KIAA0319L: variants seen among roughly 807,000 people sequenced by gnomAD.
KIAA0319L encodes dyslexia-associated protein KIAA0319-like protein.
A neutral mutation model predicts 120.1 loss-of-function variants in KIAA0319L; 55 were observed. The ratio of observed to expected loss-of-function variants is 0.46; its 90% confidence interval spans 0.37 to 0.57. The LOEUF (loss-of-function observed/expected upper bound fraction) is 0.57, where lower values mean the gene tolerates loss of function less well. Among genes scored for constraint, KIAA0319L ranks in the 20% least tolerant of loss-of-function variants. The pLI is 0.00. For synonymous variants in KIAA0319L, 398 were observed against 471.9 expected, an observed-to-expected ratio of 0.84 and a Z score of 2.03; for missense variants, 1,049 against 1,255.3, an observed-to-expected ratio of 0.84 and a Z score of 2.48.
intron 12 of KIAA0319L, among the ~76,000 whole-genome samples, chr1:35,452,683 G>C (rs1642149828): frequency 6.6e-6 from 1 of 152,130 alleles, no homozygotes; most frequent in Non-Finnish European, 1.5e-5. Flanking sequence ...AAAACACCCT[G>C]GGCTGGGTAA....
intron 2 of KIAA0319L, among the ~76,000 whole-genome samples, chr1:35,530,132 T>C (rs567261007): frequency 1.3e-5 from 2 of 152,114 alleles, no homozygotes; most frequent in African/African-American, 4.8e-5. Context: ...GCCTCACAGG[T>C]TCAAGCAATC....
At chr1:35,551,531 G>GTGGT (rs1244535032) in intron 2 of KIAA0319L, among the ~76,000 whole-genome samples, 5 of 151,954 alleles carry the variant, frequency 3.3e-5, no homozygotes, top group Non-Finnish European at 5.9e-5. Context: ...GTTGGTCAGG[G>GTGGT]TGGTCTTGAA....
In KIAA0319L at chr1:35,434,864, G is replaced by A; in HGVS notation, c.*30C>T. On this transcript the variant is annotated 3_prime_UTR_variant, in exon 21 of 21. Transcript: ENST00000325722. ...GGAGGACTGGCCGGGCAGTGTGCTG[G>A]GCCCTGCCCTGAGGAGACAGACCAG... is the stretch of plus-strand genomic sequence containing the variant. 3 of 1,591,710 alleles carry A rather than the reference G, an allele frequency of 1.9e-6. No individual in the cohort carries two copies. The highest frequency in any genetic ancestry group is 2.6e-6 in the Non-Finnish European group (3 of 1,165,328).
intron 3 of KIAA0319L, among the ~76,000 whole-genome samples, chr1:35,505,886 G>T (rs534839955): frequency 1.3e-5 from 2 of 152,274 alleles, no homozygotes; most frequent in South Asian, 4.1e-4. Flanking sequence ...CAGAGCGCTT[G>T]GCATGTCATA....
chr1:35,440,423 C>A (rs1641118043), intron 20 of KIAA0319L: 1 of 153,018 alleles, frequency 6.5e-6, no homozygotes, highest in Admixed American at 6.5e-5. Flanking sequence ...ACCAATGATA[C>A]CTGTCCCATG....
intron 2 of KIAA0319L, among the ~76,000 whole-genome samples, chr1:35,520,338 T>G (rs937199088): frequency 1.3e-5 from 2 of 152,014 alleles, no homozygotes; most frequent in Non-Finnish European, 1.5e-5. Flanking sequence ...GACCTCATGA[T>G]CCACCCACCT....
intron 14 of KIAA0319L, 22 bp downstream of exon 14, chr1:35,450,336 C>T: frequency 6.2e-7 from 1 of 1,608,214 alleles, no homozygotes; most frequent in Non-Finnish European, 8.5e-7. Context: ...CTGTGTAGCT[C>T]TCCAGCTCCT....
intron 2 of KIAA0319L, among the ~76,000 whole-genome samples, chr1:35,550,011 C>T (rs115222552): frequency 0.023 from 3,475 of 152,278 alleles, 124 homozygotes; most frequent in African/African-American, 0.078. Flanking sequence ...AGATGAGAAT[C>T]CCCAGGTCCA....
At chr1:35,501,216 C>T (rs1424068652) in intron 3 of KIAA0319L, among the ~76,000 whole-genome samples, 1 of 152,168 alleles carries the variant, frequency 6.6e-6, no homozygotes, top group Non-Finnish European at 1.5e-5. Context: ...ATCTTCCTTC[C>T]AGCATACACC....
intron 9 of KIAA0319L, among the ~76,000 whole-genome samples, chr1:35,456,451 T>C (rs1236344921): frequency 6.6e-6 from 1 of 152,170 alleles, no homozygotes; most frequent in Non-Finnish European, 1.5e-5. Flanking sequence ...GTTCTTTATA[T>C]CTCATTAAAT....
rs1464791256 is a variant in KIAA0319L, at chr1:35,470,934, G to A, written c.1042C>T (p.Leu348=). The stretch of plus-strand genomic sequence containing the variant: ...CTGTAGTCTCTAGGATGAGTAATCA[G>A]CTGCCAGTCGTAGGTGTAGGTTTCT... The part of the protein sequence containing the change: ...KGETYTYDWQ[L]ITHPRDYSGE... Residue 348 remains leucine, a synonymous_variant, in exon 6 of 21, where the codon CTG becomes TTG. Transcript: ENST00000325722. 1 of 1,611,980 alleles carries A rather than the reference G, an allele frequency of 6.2e-7. No homozygotes were observed. The highest frequency in any genetic ancestry group is 1.3e-5 in the African/African-American group (1 of 74,890).
intron 7 of KIAA0319L, among the ~76,000 whole-genome samples, chr1:35,466,121 C>T (rs1039973979): frequency 6.6e-6 from 1 of 152,162 alleles, no homozygotes; most frequent in Admixed American, 6.5e-5. Context: ...CTGTGATCTA[C>T]CTACAGTGGT....
At chr1:35,516,115 G>A (rs555018824) in intron 2 of KIAA0319L, among the ~76,000 whole-genome samples, 7 of 152,016 alleles carry the variant, frequency 4.6e-5, no homozygotes, top group Non-Finnish European at 2.9e-5. Flanking sequence ...TGAATTCCAC[G>A]AGATGTACAA....
chr1:35,458,935 G>C lies in KIAA0319L; in HGVS notation c.1427+1370C>G, dbSNP rs1642690295. On this transcript the variant is annotated intron_variant, in intron 9 of 20. Coordinates refer to ENST00000325722, the MANE Select transcript of KIAA0319L (RefSeq NM_024874.5). ...CTACTTTTCATTCACCTGAAGTGTTGAATCAATGGAAATCCTGCTAAGTCA... is the reference window on the plus strand; with the variant it reads ...CTACTTTTCATTCACCTGAAGTGTTCAATCAATGGAAATCCTGCTAAGTCA... 2.0e-5 allele frequency among the ~76,000 whole-genome samples: 3 copies of C among 152,138 alleles called. No individual in the cohort carries two copies. The South Asian group carries it at 6.2e-4, about 32-fold the overall frequency.
At chr1:35,527,962 A>G (rs1324793605) in intron 2 of KIAA0319L, among the ~76,000 whole-genome samples, 3 of 151,460 alleles carry the variant, frequency 2.0e-5, no homozygotes, top group African/African-American at 7.3e-5. Flanking sequence ...AAGGTCCATC[A>G]TTAGGTTATT....
intron 3 of KIAA0319L, among the ~76,000 whole-genome samples, chr1:35,484,006 C>T (rs929392575): frequency 6.6e-6 from 1 of 152,076 alleles, no homozygotes; most frequent in Non-Finnish European, 1.5e-5. Context: ...TCCTTTCTCT[C>T]GTATAAAGAC....
intron 3 of KIAA0319L, among the ~76,000 whole-genome samples, chr1:35,485,875 C>T (rs566593919): frequency 6.6e-6 from 1 of 152,256 alleles, no homozygotes; most frequent in Non-Finnish European, 1.5e-5. Flanking sequence ...TCCCGAGGCT[C>T]AAGCAGTCCT....
chr1:35,519,768 T>C (rs577475609), intron 2 of KIAA0319L, among the ~76,000 whole-genome samples: 15 of 152,352 alleles, frequency 9.8e-5, no homozygotes, highest in East Asian at 5.8e-4. Flanking sequence ...ACTATGAGCA[T>C]AGATGAGATT....
Position 35,453,754 on chromosome 1 carries a change from G to T in KIAA0319L, c.1781-65C>A. ...AGGTGGGAAAGGAGAGGAACCAATT[G>T]GGACACATGTTCTGGAAGCCATGGA... On this transcript the variant is annotated intron_variant, in intron 11 of 20. Transcript: ENST00000325722. The surrounding 1 kb of genome is among the most constrained non-coding windows in gnomAD (Gnocchi z 4.1). The T allele has an allele frequency of 6.6e-7, 1 of 1,513,840 alleles. No individual in the cohort carries two copies. 93.8% of individuals were successfully genotyped at this position (1,513,840 alleles called of 1,614,324 possible).
Sources: gnomAD v4.1 joint callset for allele counts (sites outside exome capture counted in the v4.1 genomes callset) on GRCh38, gnomAD v4.1.1 for gene constraint, Gnocchi (gnomAD v3.1) non-coding constraint, MANE v1.5 for transcripts, NCBI Gene and HGNC (gene_info 2026-07-23, HGNC 2026-07-21) for gene names.